Variants in CRTAC1 observed in about 807,000 individuals in gnomAD.
CRTAC1 encodes the protein cartilage acidic protein 1.
A neutral mutation model predicts 67.8 loss-of-function variants in CRTAC1; 37 were observed. The ratio of observed to expected loss-of-function variants is 0.55; its 90% CI spans 0.42 to 0.72. The LOEUF (loss-of-function observed/expected upper bound fraction) is 0.72, where lower values mean the gene tolerates loss of function less well. CRTAC1 is among the 30% of genes least tolerant of loss of function. CRTAC1 has a pLI of 0.00. For synonymous variants in CRTAC1, 348 were observed against 371.0 expected, an observed-to-expected ratio of 0.94 and a Z score of 0.71; for missense variants, 780 against 931.6, an observed-to-expected ratio of 0.84 and a Z score of 2.12.
chr10:97,935,261 G>A (rs924355396), intron 3 of CRTAC1, among the ~76,000 whole-genome samples: 28 of 152,164 alleles, frequency 1.8e-4, no homozygotes, highest in Admixed American at 5.2e-4. Context: ...CCTACTAATC[G>A]AGGTGTGTGA....
At chr10:97,896,577 C>G (rs1486757317) in intron 9 of CRTAC1, among the ~76,000 whole-genome samples, 1 of 152,166 alleles carries the variant, frequency 6.6e-6, no homozygotes, top group African/African-American at 2.4e-5. Context: ...TGCCTGAGAG[C>G]AGAAGGGGCT....
chr10:97,997,397 G>A (rs1464769876), intron 2 of CRTAC1, among the ~76,000 whole-genome samples: 1 of 144,302 alleles, frequency 6.9e-6, no homozygotes, highest in Non-Finnish European at 1.5e-5. Flanking sequence ...AGGTTGCAGT[G>A]AGCCGAGATA....
At chr10:97,996,393 A>G (rs1434326467) in intron 2 of CRTAC1, among the ~76,000 whole-genome samples, 266 of 151,768 alleles carry the variant, frequency 1.8e-3, no homozygotes, top group Middle Eastern at 6.8e-3. Flanking sequence ...ACAAGAAAAA[A>G]ACAAACAACC....
At chr10:97,957,920 C>T (rs1483616552) in intron 2 of CRTAC1, among the ~76,000 whole-genome samples, 1 of 152,090 alleles carries the variant, frequency 6.6e-6, no homozygotes, top group Non-Finnish European at 1.5e-5. Flanking sequence ...TGTGACATGG[C>T]TTTGAATTTG....
At chr10:97,962,740 C>G (rs1040467755) in intron 2 of CRTAC1, among the ~76,000 whole-genome samples, 1 of 151,476 alleles carries the variant, frequency 6.6e-6, no homozygotes, top group African/African-American at 2.4e-5. Flanking sequence ...CCACATGAAT[C>G]CAAACAACAT....
intron 2 of CRTAC1, among the ~76,000 whole-genome samples, chr10:97,979,147 T>C (rs2051852762): frequency 6.6e-6 from 1 of 152,272 alleles, no homozygotes; most frequent in Non-Finnish European, 1.5e-5. Flanking sequence ...AGCACTATTT[T>C]GCACTGGCCA....
intron 2 of CRTAC1, among the ~76,000 whole-genome samples, chr10:97,983,711 A>G (rs540837849): frequency 6.6e-6 from 1 of 152,220 alleles, no homozygotes; most frequent in Non-Finnish European, 1.5e-5. Context: ...TGGCAATGGC[A>G]TAGTGGTAGA....
chr10:97,882,847 C>CAG lies in CRTAC1; in HGVS notation c.1633-21_1633-20dup. 1 of 1,614,054 alleles carries CAG rather than the reference C, an allele frequency of 6.2e-7. No homozygotes were observed. On this transcript the variant is annotated intron_variant, in intron 12 of 14. Coordinates refer to ENST00000370597, the MANE Select transcript of CRTAC1 (RefSeq NM_018058.7). Reference sequence around the variant, plus strand: ...GGCCACACTGTAAGGTGGGCAGAAGCAGAGACATGAGTGAGTTGAGAAGGT... The same window carrying CAG: ...GGCCACACTGTAAGGTGGGCAGAAGCAGAGAGACATGAGTGAGTTGAGAAGGT...
At chr10:97,901,660 G>C (rs780630080) in intron 7 of CRTAC1, 21 bp from the exon 8 acceptor site, 1 of 1,613,872 alleles carries the variant, frequency 6.2e-7, no homozygotes, top group South Asian at 1.1e-5. Flanking sequence ...CAAGGCTGGG[G>C]GTCAGTGGCA....
intron 2 of CRTAC1, among the ~76,000 whole-genome samples, chr10:97,974,309 C>A (rs549525391): frequency 3.3e-5 from 5 of 152,182 alleles, no homozygotes; most frequent in East Asian, 1.9e-4. Flanking sequence ...GGCTCCCCCC[C>A]TGCTGCGTAA....
At chr10:97,902,700 G>A (rs1210209045) in intron 7 of CRTAC1, among the ~76,000 whole-genome samples, 1 of 152,200 alleles carries the variant, frequency 6.6e-6, no homozygotes, top group African/African-American at 2.4e-5. Context: ...GGCTGAGAAA[G>A]GTACAGGTGG....
intron 3 of CRTAC1, among the ~76,000 whole-genome samples, chr10:97,926,408 G>T (rs1590214212): frequency 6.6e-6 from 1 of 152,154 alleles, no homozygotes; most frequent in East Asian, 1.9e-4. Flanking sequence ...AAATGCACTT[G>T]GAGAGAGTTC....
intron 2 of CRTAC1, among the ~76,000 whole-genome samples, chr10:97,991,384 G>A (rs1168114520): frequency 6.6e-6 from 1 of 151,598 alleles, no homozygotes; most frequent in Non-Finnish European, 1.5e-5. Flanking sequence ...CTGCACTCCA[G>A]CCTGGGTGAC....
chr10:98,002,353 T>C lies in CRTAC1; in HGVS notation c.224+8785A>G, dbSNP rs189953559. On this transcript the variant is annotated intron_variant, in intron 2 of 14. Transcript: ENST00000370597. ...GGTTTTTTTTTGTTAAAATCCTTTT[T>C]TAAAAATAAATTTAAAAACAAAGGA... Among the ~76,000 whole-genome samples the C allele has an allele frequency of 1.1e-3, 174 of 152,348 alleles. 3 individuals carry two copies. In the East Asian group the frequency reaches 0.031, roughly 27 times the overall value.
At chr10:97,878,561 A>G (rs2050172970) in intron 14 of CRTAC1, 1 of 1,265,800 alleles carries the variant, frequency 7.9e-7, no homozygotes. Flanking sequence ...ATGTTTTATA[A>G]CAAGCCTTCA....
intron 8 of CRTAC1, 53 bp downstream of exon 8, chr10:97,901,450 C>A: frequency 6.2e-7 from 1 of 1,611,484 alleles, no homozygotes; most frequent in Non-Finnish European, 8.5e-7. Flanking sequence ...CCTGACCGTT[C>A]CTCCCACCAG....
intron 2 of CRTAC1, among the ~76,000 whole-genome samples, chr10:97,977,386 A>G (rs2051824461): frequency 6.6e-6 from 1 of 152,192 alleles, no homozygotes; most frequent in Non-Finnish European, 1.5e-5. Context: ...CTATAATTGC[A>G]TCTCAGCGGG....
chr10:97,998,469 A>T (rs1294563619), intron 2 of CRTAC1, among the ~76,000 whole-genome samples: 1 of 152,208 alleles, frequency 6.6e-6, no homozygotes, highest in African/African-American at 2.4e-5. Context: ...GTTAGTAATA[A>T]TGGGCATCTG....
At chr10:97,893,027 C>G (rs1261588853) in intron 11 of CRTAC1, among the ~76,000 whole-genome samples, 1 of 152,206 alleles carries the variant, frequency 6.6e-6, no homozygotes, top group Non-Finnish European at 1.5e-5. Flanking sequence ...CCAGTGCTGC[C>G]ATTTAAGTAT....
Sources: allele counts gnomAD v4.1 joint callset (sites outside exome capture counted in the v4.1 genomes callset), GRCh38; gene constraint gnomAD v4.1.1; transcripts MANE v1.5; gene names NCBI Gene and HGNC (gene_info 2026-07-23, HGNC 2026-07-21).